Variants in GRIA3 observed in about 807,000 individuals in gnomAD.
GRIA3 encodes glutamate receptor 3.
A neutral mutation model predicts 63.0 loss-of-function variants in GRIA3; 3 were observed. The observed-to-expected ratio is 0.05, with a 90% CI of 0.02 to 0.12. The LOEUF is 0.12. Ranked by LOEUF, GRIA3 falls within the 10% of genes least tolerant of loss-of-function variation. GRIA3 has a pLI of 1.00. For synonymous variants in GRIA3, 274 were observed against 257.9 expected, an observed-to-expected ratio of 1.06 and a Z score of -0.60; for missense variants, 347 against 700.9, an observed-to-expected ratio of 0.50 and a Z score of 5.70.
rs139988015 is a variant in GRIA3, at chrX:123,333,832, T to C, written c.696+7619T>C. ...ATCAATACATGGCCAAACAACCCAC[T>C]GGCCTTCCTTCATCTCTTACTGTAT... On this transcript the variant is annotated intron_variant, in intron 4 of 15. Transcript: ENST00000620443. 4.8e-3 allele frequency among the ~76,000 whole-genome samples: 535 copies of C among 111,035 alleles called. 4 individuals carry two copies. The highest frequency in any genetic ancestry group is 0.017 in the African/African-American group (521 of 30,575).
At chrX:123,323,997 G>A (rs2044884611) in intron 3 of GRIA3, among the ~76,000 whole-genome samples, 1 of 112,037 alleles carries the variant, frequency 8.9e-6, no homozygotes, top group African/African-American at 3.2e-5. Context: ...ATAAAATATT[G>A]ACAGATATCC....
intron 5 of GRIA3, among the ~76,000 whole-genome samples, chrX:123,369,395 T>A: frequency 8.9e-6 from 1 of 112,152 alleles, no homozygotes; most frequent in South Asian, 3.8e-4. Context: ...CTAGAACTTT[T>A]CTCTTAATAC....
chrX:123,366,924 G>C (rs961218829), intron 5 of GRIA3, among the ~76,000 whole-genome samples: 1 of 111,722 alleles, frequency 9.0e-6, no homozygotes, highest in African/African-American at 3.3e-5. Flanking sequence ...AGACTCTAAA[G>C]CCTCAAAATG....
chrX:123,368,425 G>T (rs1196326630), intron 5 of GRIA3, among the ~76,000 whole-genome samples: 1 of 110,969 alleles, frequency 9.0e-6, no homozygotes, highest in Non-Finnish European at 1.9e-5. Context: ...TACCTCTCGG[G>T]TCTGGGTATT....
chrX:123,478,025 T>TCA lies in GRIA3; in HGVS notation c.2325-2037_2325-2036dup, dbSNP rs1015451515. On this transcript the variant is annotated intron_variant, in intron 13 of 15. Transcript: ENST00000620443. ...CTGTGGTCCTGATGAGCCCAGTCAC[T>TCA]CATATGCCATTGGAAAGCATCTTCC... 2.7e-5 allele frequency among the ~76,000 whole-genome samples: 3 copies of TCA among 111,724 alleles called. No individual in the cohort carries two copies. In the Admixed American group the frequency reaches 2.9e-4, roughly 11 times the overall value.
intron 2 of GRIA3, chrX:123,202,674 A>C: frequency 1.7e-6 from 2 of 1,166,669 alleles, no homozygotes; most frequent in Non-Finnish European, 2.3e-6. Context: ...GCCAGGAAGC[A>C]TCAGGGAAAA....
chrX:123,459,907 T>C (rs1400929974), intron 12 of GRIA3, among the ~76,000 whole-genome samples: 1 of 111,773 alleles, frequency 8.9e-6, no homozygotes, highest in Non-Finnish European at 1.9e-5. Context: ...TAAATACTAG[T>C]TGGAAAGATA....
At chrX:123,326,534 C>T (rs1423701807) in intron 4 of GRIA3, among the ~76,000 whole-genome samples, 1 of 111,950 alleles carries the variant, frequency 8.9e-6, no homozygotes, top group Non-Finnish European at 1.9e-5. Context: ...AAAGTAATCC[C>T]CTTCCTTTCC....
chrX:123,468,154 T>C (rs2045844206), intron 13 of GRIA3, among the ~76,000 whole-genome samples: 1 of 111,710 alleles, frequency 9.0e-6, no homozygotes, highest in Non-Finnish European at 1.9e-5. Context: ...AACGATTGCT[T>C]ATTCCATTTC....
chrX:123,374,306 T>C (rs920110926), intron 5 of GRIA3, among the ~76,000 whole-genome samples: 3 of 111,900 alleles, frequency 2.7e-5, no homozygotes, highest in African/African-American at 9.8e-5. Context: ...TCCAGCTTTG[T>C]TATTTTTGCC....
chrX:123,247,170 C>A (rs934509876), intron 2 of GRIA3, among the ~76,000 whole-genome samples: 1 of 112,236 alleles, frequency 8.9e-6, no homozygotes, highest in Admixed American at 9.4e-5. Context: ...TAAATGCAAT[C>A]ATTAAATCAG....
chrX:123,317,010 C>T (rs1291597078), intron 3 of GRIA3, among the ~76,000 whole-genome samples: 3 of 111,567 alleles, frequency 2.7e-5, no homozygotes, highest in Admixed American at 1.9e-4. Flanking sequence ...ACTTACAGTC[C>T]CACATGGCTG....
chrX:123,252,791 T>C (rs1290095692), intron 2 of GRIA3, among the ~76,000 whole-genome samples: 1 of 112,225 alleles, frequency 8.9e-6, no homozygotes, highest in Admixed American at 9.4e-5. Flanking sequence ...CATTAAGGGC[T>C]TTAATAATAA....
chrX:123,357,991 A>G (rs1201749751), intron 5 of GRIA3, among the ~76,000 whole-genome samples: 2 of 110,967 alleles, frequency 1.8e-5, no homozygotes, highest in Non-Finnish European at 3.8e-5. Flanking sequence ...TAATGAGCCA[A>G]ATTATCCCTA....
At chrX:123,372,916 G>A (rs137953864) in intron 5 of GRIA3, among the ~76,000 whole-genome samples, 1,327 of 106,856 alleles carry the variant, frequency 0.012, 22 homozygotes, top group African/African-American at 0.043. Flanking sequence ...AAGTTCTAGG[G>A]TACATGTGCA....
At chrX:123,322,134 C>A (rs147515609) in intron 3 of GRIA3, among the ~76,000 whole-genome samples, 2 of 111,662 alleles carry the variant, frequency 1.8e-5, no homozygotes, top group African/African-American at 6.5e-5. Flanking sequence ...GATTATCACA[C>A]CTTATTTGCC....
At chrX:123,230,331 T>C (rs1039307335) in intron 2 of GRIA3, among the ~76,000 whole-genome samples, 1 of 112,290 alleles carries the variant, frequency 8.9e-6, no homozygotes, top group African/African-American at 3.2e-5. Context: ...CTAACCCATC[T>C]TGTGTCATAT....
intron 12 of GRIA3, among the ~76,000 whole-genome samples, chrX:123,461,980 A>G (rs768007885): frequency 4.5e-5 from 5 of 111,866 alleles, no homozygotes; most frequent in Non-Finnish European, 9.4e-5. Flanking sequence ...TATATAATAT[A>G]GATTTAGTTG....
At chrX:123,442,847 T>C (rs182132071) in intron 12 of GRIA3, among the ~76,000 whole-genome samples, 2,054 of 99,270 alleles carry the variant, frequency 0.021, 54 homozygotes, top group African/African-American at 0.064. Context: ...TTTTTTTTTT[T>C]CCCTATGCAA....
Sources: gnomAD v4.1 joint callset for allele counts (sites outside exome capture counted in the v4.1 genomes callset) on GRCh38, gnomAD v4.1.1 for gene constraint, MANE v1.5 for transcripts, NCBI Gene and HGNC (gene_info 2026-07-23, HGNC 2026-07-21) for gene names.